MIDEAS: variants seen among roughly 807,000 people sequenced by gnomAD.
MIDEAS encodes the protein mitotic deacetylase-associated SANT domain protein.
In MIDEAS, 26 loss-of-function variants were observed where a neutral mutation model predicts 102.7. The ratio of observed to expected loss-of-function variants is 0.25; its 90% CI spans 0.19 to 0.35. MIDEAS has a LOEUF of 0.35. MIDEAS is among the 10% of genes least tolerant of loss of function. The pLI is 1.00. For synonymous variants in MIDEAS, 585 were observed against 591.0 expected (o/e 0.99, Z 0.15); for missense variants, 1,231 against 1,435.6 (o/e 0.86, Z 2.30).
chr14:73,729,932 C>T lies in MIDEAS; in HGVS notation c.1803G>A (p.Lys601=). 3 of 1,606,070 alleles carry T rather than the reference C, an allele frequency of 1.9e-6. No individual in the cohort carries two copies. Among genetic ancestry groups the T allele is most frequent in the Non-Finnish European group, 2.6e-6 (3 of 1,174,364 alleles). ...LEGEPSVRKP[K]QRPRPEPLII... ...TGAGGGGCTCGGGCCTGGGCCGCTG[C>T]TTTGGTTTCCGCACGGAAGGCTCCC... The change falls in exon 4 of 13, where the codon AAG becomes AAA. Residue 601 remains lysine (K), a synonymous_variant. Coordinates refer to ENST00000423556, the MANE Select transcript of MIDEAS (RefSeq NM_001367710.1).
intron 1 of MIDEAS, among the ~76,000 whole-genome samples, chr14:73,756,956 A>T (rs2053491158): frequency 6.6e-6 from 1 of 152,002 alleles, no homozygotes; most frequent in Non-Finnish European, 1.5e-5. Flanking sequence ...TTTGATGGAG[A>T]TCTTTCACTA....
rs1379785089 is a variant in MIDEAS, at chr14:73,742,768, G to A, written c.-247-2513C>T. Among the ~76,000 whole-genome samples the A allele has an allele frequency of 6.6e-6, 1 of 152,172 alleles. No homozygotes were observed. Among genetic ancestry groups the A allele is most frequent in the African/African-American group, 2.4e-5 (1 of 41,442 alleles). On this transcript the variant is annotated intron_variant, in intron 1 of 12. Coordinates refer to ENST00000423556, the MANE Select transcript of MIDEAS (RefSeq NM_001367710.1). The surrounding 1 kb of genome is among the most constrained non-coding windows in gnomAD (Gnocchi z 4.4). Reference sequence around the variant, plus strand: ...CAGGGGCACAGACAGTCAGGCCTGGGACCCTCAGAGAAGAAAGGTCATCGG... The same window carrying A: ...CAGGGGCACAGACAGTCAGGCCTGGAACCCTCAGAGAAGAAAGGTCATCGG...
chr14:73,744,982 G>A (rs1332278753), intron 1 of MIDEAS, among the ~76,000 whole-genome samples: 1 of 152,162 alleles, frequency 6.6e-6, no homozygotes, highest in Non-Finnish European at 1.5e-5. Flanking sequence ...CACGGGGCAG[G>A]GTTGGCAGAC....
upstream of MIDEAS, among the ~76,000 whole-genome samples, chr14:73,761,706 G>T (rs2053556065): frequency 1.3e-5 from 2 of 152,198 alleles, no homozygotes; most frequent in African/African-American, 4.8e-5. Flanking sequence ...CCCCGATTTA[G>T]CATCTGTGAT....
At position 73,759,886 on chromosome 14, in the gene MIDEAS, G is replaced by A. The variant is rs2053537215; in HGVS notation, c.-371C>T. On this transcript the variant is annotated 5_prime_UTR_variant, in exon 1 of 13. Coordinates refer to ENST00000423556, the MANE Select transcript of MIDEAS (RefSeq NM_001367710.1). This position sits in a 1 kb window ranked among gnomAD's most constrained non-coding sequence, Gnocchi z 6.7. ...CACTCCCGATTTTAAAAACAAACAG[G>A]CGCCGTCGCCTCCCCGCGGCGCTCG... The A allele has an allele frequency of 6.6e-6, 1 of 151,922 alleles. No homozygotes were observed. The highest frequency in any genetic ancestry group is 2.4e-5 in the African/African-American group (1 of 41,416). 9.4% of individuals were successfully genotyped at this position (151,922 alleles called of 1,614,324 possible). A position where few individuals can be genotyped will look rare whatever the true frequency, so the allele number is the denominator to read the frequency against.
At chr14:73,743,341 G>C (rs945838828) in intron 1 of MIDEAS, among the ~76,000 whole-genome samples, 2 of 152,182 alleles carry the variant, frequency 1.3e-5, no homozygotes, top group African/African-American at 2.4e-5. Flanking sequence ...TCCAGGAAGG[G>C]AGAGCAGGAA....
chr14:73,736,484 A>G (rs1355128362), intron 3 of MIDEAS, among the ~76,000 whole-genome samples: 3 of 151,932 alleles, frequency 2.0e-5, no homozygotes, highest in Non-Finnish European at 1.5e-5. Flanking sequence ...ACAAAAAATT[A>G]GCTGGGCGCG....
Position 73,715,924 on chromosome 14 carries a change from C to G in MIDEAS, c.*2919G>C, listed in dbSNP as rs1277853146. 6.6e-6 allele frequency: 1 copy of G among 152,342 alleles called. No homozygotes were observed. 9.4% of individuals were successfully genotyped at this position (152,342 alleles called of 1,614,324 possible). A position where few individuals can be genotyped will look rare whatever the true frequency, so the allele number is the denominator to read the frequency against. ...CTGAAGGCATGGAGGACAGTAATGACGGCTGTGCCTCCTTGGATGGTGGAG... is the reference window on the plus strand; with the variant it reads ...CTGAAGGCATGGAGGACAGTAATGAGGGCTGTGCCTCCTTGGATGGTGGAG... On this transcript the variant is annotated 3_prime_UTR_variant, in exon 13 of 13. Coordinates refer to ENST00000423556, the MANE Select transcript of MIDEAS (RefSeq NM_001367710.1).
In MIDEAS at chr14:73,739,038, G is replaced by T. The variant is rs770422656; in HGVS notation, c.971C>A (p.Ala324Asp). The change falls in exon 2 of 13, where the codon GCC (alanine) becomes GAC (aspartate). Residue 324 changes from alanine to aspartate, a missense_variant. Physicochemically the swap from Ala to Asp is moderately radical, Grantham distance 126 (BLOSUM62 -2). Around this residue, in one of 5 missense-constraint regions of MIDEAS, gnomAD observed 758 missense variants for 856.0 expected, o/e 0.89. Coordinates refer to ENST00000423556, the MANE Select transcript of MIDEAS (RefSeq NM_001367710.1). ...CTGCGGGGCTGAGTCCTGCAGAAGG[G>T]CCTTGCGCAGTTCTGGGTTCATATC... ...NPDMNPELRK[A>D]LLQDSAPQPA... The T allele has an allele frequency of 1.4e-5, 21 of 1,554,820 alleles. No homozygotes were observed. The highest frequency in any genetic ancestry group is 1.8e-5 in the Non-Finnish European group (21 of 1,148,356).
intron 1 of MIDEAS, among the ~76,000 whole-genome samples, chr14:73,757,348 G>A (rs1282677626): frequency 1.4e-5 from 2 of 147,176 alleles, no homozygotes; most frequent in Non-Finnish European, 3.0e-5. Flanking sequence ...TCAAGCAGAG[G>A]CTACCAAATA....
intron 3 of MIDEAS, 84 bp from the exon 4 acceptor site, chr14:73,730,069 C>T (rs1192464531): frequency 2.1e-6 from 3 of 1,398,262 alleles, no homozygotes; most frequent in South Asian, 1.2e-5. Flanking sequence ...GCCAGTCTCA[C>T]CTTTGGAACT....
intron 1 of MIDEAS, among the ~76,000 whole-genome samples, chr14:73,774,232 C>A (rs2053669545): frequency 1.3e-5 from 2 of 151,658 alleles, no homozygotes; most frequent in African/African-American, 4.8e-5. Context: ...AGGAAAGGTA[C>A]CCCTGTAGTC....
intron 9 of MIDEAS, chr14:73,723,065 T>TA (rs1330448726): frequency 1.1e-5 from 5 of 448,592 alleles, no homozygotes; most frequent in Non-Finnish European, 2.0e-5. Context: ...AGTAAATAAA[T>TA]AAAAAAAGCT....
chr14:73,771,839 C>T (rs964499465), intron 1 of MIDEAS, among the ~76,000 whole-genome samples: 4 of 152,210 alleles, frequency 2.6e-5, no homozygotes, highest in South Asian at 2.1e-4. Context: ...CTCACTAGGG[C>T]CCCACCTGGG....
chr14:73,775,135 A>G (rs2053677873), intron 1 of MIDEAS, among the ~76,000 whole-genome samples: 1 of 152,008 alleles, frequency 6.6e-6, no homozygotes, highest in Admixed American at 6.6e-5. Context: ...AAGAGCATAT[A>G]ACAAGGCGAG....
intron 1 of MIDEAS, among the ~76,000 whole-genome samples, chr14:73,745,195 C>T (rs1383190963): frequency 2.0e-5 from 3 of 152,180 alleles, no homozygotes; most frequent in East Asian, 3.9e-4. Context: ...AGGCCCAGCC[C>T]GGGATCCCAC....
At position 73,721,452 on chromosome 14, in the gene MIDEAS, T is replaced by C; in HGVS notation, c.2782A>G (p.Arg928Gly). The C allele has an allele frequency of 6.2e-7, 1 of 1,614,118 alleles. No homozygotes were observed. Among genetic ancestry groups the C allele is most frequent in the Non-Finnish European group, 8.5e-7 (1 of 1,180,018 alleles). The part of the protein sequence containing the change: ...LPRRESPSEE[R>G]LEPKREVKEP... ...TTCACCTCCCTCTTGGGCTCCAGCC[T>C]CTCTTCACTTGGGGACTCTCTTCTG... Residue 928 changes from arginine (R) to glycine (G), a missense_variant, in exon 11 of 13, where the codon AGG (arginine) becomes GGG (glycine). Physicochemically the swap from Arg to Gly is moderately radical, Grantham distance 125. Coordinates refer to ENST00000423556, the MANE Select transcript of MIDEAS (RefSeq NM_001367710.1).
At chr14:73,761,762 C>T (rs1332519127), upstream of MIDEAS, among the ~76,000 whole-genome samples, 1 of 152,206 alleles carries the variant, frequency 6.6e-6, no homozygotes. Context: ...TCCATACAGT[C>T]TCCTGAAGAG....
In MIDEAS at chr14:73,785,511, A is replaced by G. The variant is rs571791923; in HGVS notation, c.-248+1591T>C. On this transcript the variant is annotated intron_variant, in intron 1 of 11. Transcript: ENST00000394071. Reference sequence around the variant, plus strand: ...GCACGTTTCCTCTTTGCCCAGCACAATAAAGGAATTAGGACCTACCACCTA... The same window carrying G: ...GCACGTTTCCTCTTTGCCCAGCACAGTAAAGGAATTAGGACCTACCACCTA... Among the ~76,000 whole-genome samples the G allele has an allele frequency of 2.6e-5, 4 of 152,288 alleles. No individual in the cohort carries two copies. The South Asian group carries it at 6.2e-4, about 24-fold the overall frequency.
Sources: allele counts gnomAD v4.1 joint callset (sites outside exome capture counted in the v4.1 genomes callset), GRCh38; gene constraint gnomAD v4.1.1; regional missense constraint gnomAD v4.1.1; non-coding constraint Gnocchi (gnomAD v3.1); transcripts MANE v1.5; gene names NCBI Gene and HGNC (gene_info 2026-07-23, HGNC 2026-07-21).